Variants in NMNAT3 observed in about 807,000 individuals in gnomAD.
The protein encoded by NMNAT3 is nicotinamide/nicotinic acid mononucleotide adenylyltransferase 3.
NMNAT3 carries 21 observed loss-of-function variants against 24.8 expected under a neutral mutation model. That is an observed-to-expected ratio of 0.85 (90% confidence interval 0.60 to 1.22). The LOEUF is 1.22. Among genes scored for constraint, NMNAT3 ranks in the 50% most tolerant of loss-of-function variants. NMNAT3 has a pLI of 0.00. For missense variants in NMNAT3, 387 were observed against 436.6 expected (o/e 0.89, Z 1.01); for synonymous variants, 136 against 155.2 (o/e 0.88, Z 0.92).
chr3:139,573,613 A>T lies in NMNAT3; in HGVS notation c.643T>A (p.Phe215Ile). 1.9e-6 allele frequency: 3 copies of T among 1,598,948 alleles called. No homozygotes were observed. The highest frequency in any genetic ancestry group is 2.6e-6 in the Non-Finnish European group (3 of 1,173,222). ...CAGCACCCACCTGCAGGGGTCGAGA[A>T]GAGTGCCTTGCCATGGTCTGGGCCT... is the stretch of plus-strand genomic sequence containing the variant. The change falls in exon 6 of 7, where the codon TTC becomes ATC. Residue 215 changes from phenylalanine (F) to isoleucine (I), a missense_variant. By Grantham distance (21) the Phe-to-Ile change is conservative (BLOSUM62 0). Coordinates refer to ENST00000643695, the MANE Select transcript of NMNAT3 (RefSeq NM_001320510.2).
chr3:139,677,545 C>T (rs534485695), intron 1 of NMNAT3, among the ~76,000 whole-genome samples, 160 bp downstream of exon 1: 11 of 152,208 alleles, frequency 7.2e-5, no homozygotes, highest in East Asian at 3.9e-4. Flanking sequence ...GAGCTGTCCC[C>T]CCGGTTCGCG....
intron 3 of NMNAT3, among the ~76,000 whole-genome samples, chr3:139,603,273 G>A (rs913275406): frequency 6.6e-6 from 1 of 152,302 alleles, no homozygotes; most frequent in East Asian, 1.9e-4. Context: ...CCCTCTGCTG[G>A]ATGAGTGTTC....
intron 1 of NMNAT3, among the ~76,000 whole-genome samples, chr3:139,667,032 G>T (rs1368944948): frequency 6.6e-6 from 1 of 152,126 alleles, no homozygotes; most frequent in Admixed American, 6.6e-5. Flanking sequence ...CCAAGTCTTG[G>T]CTATTATGAA....
intron 3 of NMNAT3, among the ~76,000 whole-genome samples, chr3:139,617,110 G>A (rs1262420526): frequency 6.6e-6 from 1 of 152,106 alleles, no homozygotes; most frequent in Non-Finnish European, 1.5e-5. Context: ...AACATTCTCA[G>A]AAAAACCTTC....
intron 3 of NMNAT3, among the ~76,000 whole-genome samples, chr3:139,586,406 G>A (rs1033967134): frequency 1.3e-5 from 2 of 152,124 alleles, no homozygotes; most frequent in East Asian, 3.9e-4. Context: ...TGTGGAAAAC[G>A]TGCTACCCAC....
At chr3:139,616,844 A>C (rs1013990227) in intron 3 of NMNAT3, among the ~76,000 whole-genome samples, 3 of 152,184 alleles carry the variant, frequency 2.0e-5, no homozygotes, top group African/African-American at 7.2e-5. Flanking sequence ...AGGATTAAAA[A>C]GCACATTTTT....
At position 139,605,013 on chromosome 3, in the gene NMNAT3, G is replaced by A. The variant is rs113271303; in HGVS notation, c.110-21805C>T. On this transcript the variant is annotated intron_variant, in intron 3 of 6. Coordinates refer to ENST00000643695, the MANE Select transcript of NMNAT3 (RefSeq NM_001320510.2). ...CAGTATGCAGGGCACTGGGTGGGGCGATGCCAGCCCTCCTGATCCTTATCC... is the reference window on the plus strand; with the variant it reads ...CAGTATGCAGGGCACTGGGTGGGGCAATGCCAGCCCTCCTGATCCTTATCC... Among the ~76,000 whole-genome samples the A allele has an allele frequency of 9.5e-4, 145 of 152,278 alleles. 1 individual carries two copies. The highest frequency in any genetic ancestry group is 2.7e-3 in the Admixed American group (42 of 15,292).
At chr3:139,587,082 C>G (rs986531629) in intron 3 of NMNAT3, among the ~76,000 whole-genome samples, 6 of 152,200 alleles carry the variant, frequency 3.9e-5, no homozygotes, top group Non-Finnish European at 8.8e-5. Context: ...TGGAAGACCA[C>G]CTTGCATTGC....
intron 1 of NMNAT3, among the ~76,000 whole-genome samples, chr3:139,675,463 T>C (rs1217703747): frequency 1.3e-5 from 2 of 152,162 alleles, no homozygotes; most frequent in African/African-American, 4.8e-5. Flanking sequence ...TTCTCCAACT[T>C]TTGCTACGCT....
intron 4 of NMNAT3, among the ~76,000 whole-genome samples, chr3:139,581,165 A>C (rs1559871462): frequency 6.6e-6 from 1 of 152,210 alleles, no homozygotes; most frequent in Admixed American, 6.5e-5. Flanking sequence ...AAACAAAAAC[A>C]GGACTACTCT....
intron 2 of NMNAT3, chr3:139,635,941 C>A (rs1000982872): frequency 6.6e-6 from 1 of 152,240 alleles, no homozygotes; most frequent in Non-Finnish European, 1.5e-5. Flanking sequence ...CTCCTCTACT[C>A]TTGCTACCTG....
At chr3:139,571,105 G>A in intron 6 of NMNAT3, 1 of 152,570 alleles carries the variant, frequency 6.6e-6, no homozygotes, top group Non-Finnish European at 1.5e-5. Context: ...GGACTGCTGT[G>A]CTAGCAATGA....
Position 139,621,496 on chromosome 3 carries a change from C to T in NMNAT3, c.109+6120G>A, listed in dbSNP as rs142146346. On this transcript the variant is annotated intron_variant, in intron 3 of 6. Transcript: ENST00000643695. Reference sequence around the variant, plus strand: ...AACTGATTCTCATGCCTCTGCCTCCCGAGTAGCTGTGATTACAGGTGTGTA... The same window carrying T: ...AACTGATTCTCATGCCTCTGCCTCCTGAGTAGCTGTGATTACAGGTGTGTA... Among the ~76,000 whole-genome samples, 23 of 152,222 alleles carry T rather than the reference C, an allele frequency of 1.5e-4. 1 individual carries two copies. Among genetic ancestry groups the T allele is most frequent in the African/African-American group, 4.1e-4 (17 of 41,560 alleles).
chr3:139,565,458 C>G (rs1937037291), intron 6 of NMNAT3: 1 of 152,202 alleles, frequency 6.6e-6, no homozygotes, highest in Non-Finnish European at 1.5e-5. Context: ...GTGTGCTGCA[C>G]CCATTAACTC....
At chr3:139,612,112 AGCCGAGACTGT>A (rs1469029454) in intron 3 of NMNAT3, among the ~76,000 whole-genome samples, 2 of 150,360 alleles carry the variant, frequency 1.3e-5, no homozygotes, top group African/African-American at 2.5e-5. Context: ...AGTTGCGGTG[AGCCGAGACTGT>A]GCCATTGCAC....
intron 3 of NMNAT3, among the ~76,000 whole-genome samples, chr3:139,623,435 A>G (rs1239267832): frequency 6.6e-6 from 1 of 152,136 alleles, no homozygotes. Flanking sequence ...TTTTACAGTT[A>G]ACTTTTTTTT....
At chr3:139,647,072 T>A (rs538709191) in intron 1 of NMNAT3, among the ~76,000 whole-genome samples, 1 of 152,344 alleles carries the variant, frequency 6.6e-6, no homozygotes, top group South Asian at 2.1e-4. Flanking sequence ...GAAGGTATAA[T>A]AGATAGCTTC....
At chr3:139,617,923 C>T (rs2055585041) in intron 3 of NMNAT3, among the ~76,000 whole-genome samples, 1 of 152,186 alleles carries the variant, frequency 6.6e-6, no homozygotes, top group Admixed American at 6.5e-5. Context: ...ACTGACTAGT[C>T]ATATGTTGTG....
At chr3:139,574,921 A>T (rs1203356768) in intron 5 of NMNAT3, among the ~76,000 whole-genome samples, 2 of 152,162 alleles carry the variant, frequency 1.3e-5, no homozygotes, top group African/African-American at 4.8e-5. Flanking sequence ...TCTAACTGGT[A>T]GCTCTGGAGT....
Sources: allele counts gnomAD v4.1 joint callset (sites outside exome capture counted in the v4.1 genomes callset), GRCh38; gene constraint gnomAD v4.1.1; transcripts MANE v1.5; gene names NCBI Gene and HGNC (gene_info 2026-07-23, HGNC 2026-07-21).